The following RABGAP1L variants were observed in gnomAD, a reference collection of about 807,000 sequenced individuals.
RABGAP1L encodes the protein RAB GTPase activating protein 1 like.
In RABGAP1L, 63 loss-of-function variants were observed where a neutral mutation model predicts 137.7. The observed-to-expected ratio is 0.46, with a 90% CI of 0.37 to 0.56. RABGAP1L has a LOEUF of 0.56. RABGAP1L is among the 20% of genes least tolerant of loss of function. The pLI is 0.00. For missense variants in RABGAP1L, 1,095 were observed against 1,244.0 expected (o/e 0.88, Z 1.80); for synonymous variants, 431 against 433.7 (o/e 0.99, Z 0.08).
At chr1:174,461,615 T>G (rs1328726715) in intron 13 of RABGAP1L, among the ~76,000 whole-genome samples, 1 of 152,168 alleles carries the variant, frequency 6.6e-6, no homozygotes, top group Non-Finnish European at 1.5e-5. Context: ...ATTGTCAGAG[T>G]TAACAGTAGT....
At chr1:174,230,589 A>G (rs530589249) in intron 3 of RABGAP1L, among the ~76,000 whole-genome samples, 7 of 152,256 alleles carry the variant, frequency 4.6e-5, no homozygotes, top group African/African-American at 1.4e-4. Context: ...TTAGGGGCTC[A>G]CACGGAAATT....
chr1:174,837,736 C>A (rs185805221), intron 19 of RABGAP1L, among the ~76,000 whole-genome samples: 70 of 152,152 alleles, frequency 4.6e-4, no homozygotes, highest in Non-Finnish European at 7.9e-4. Context: ...ATCTAGTGTA[C>A]CCCTAATCTA....
chr1:174,350,179 C>T (rs1682992193), intron 11 of RABGAP1L, among the ~76,000 whole-genome samples: 3 of 100,658 alleles, frequency 3.0e-5, no homozygotes, highest in South Asian at 3.6e-4. Flanking sequence ...GCTGGCCGGG[C>T]GGGGGGCTGA....
At position 174,250,585 on chromosome 1, in the gene RABGAP1L, C is replaced by T; in HGVS notation, c.828C>T (p.Phe276=). 1 of 1,613,858 alleles carries T rather than the reference C, an allele frequency of 6.2e-7. No homozygotes were observed. Among genetic ancestry groups the T allele is most frequent in the Non-Finnish European group, 8.5e-7 (1 of 1,179,902 alleles). ...IPTPDSDVFT[F]SVSLEVKEDD... is the part of the protein sequence containing the mutation. Reference sequence around the variant, plus strand: ...CCCCCGACAGTGATGTGTTTACCTTCAGTGTCTCCTTGGAGGTAAAAGAAG... The same window carrying T: ...CCCCCGACAGTGATGTGTTTACCTTTAGTGTCTCCTTGGAGGTAAAAGAAG... Residue 276 remains phenylalanine (F), a synonymous_variant, in exon 6 of 26, where the codon TTC becomes TTT. Coordinates refer to ENST00000681986, the MANE Select transcript of RABGAP1L (RefSeq NM_001366446.1).
intron 17 of RABGAP1L, among the ~76,000 whole-genome samples, chr1:174,748,861 C>A (rs548555025): frequency 1.9e-4 from 29 of 150,750 alleles, no homozygotes; most frequent in Non-Finnish European, 3.7e-4. Context: ...GGTGACAGAA[C>A]GAGACTCTGT....
chr1:174,958,035 C>T, intron 20 of RABGAP1L: 1 of 1,527,688 alleles, frequency 6.5e-7, no homozygotes. Flanking sequence ...ACTGTTTTAG[C>T]TGTGCATGTC....
chr1:174,392,611 C>T (rs1237226637), intron 12 of RABGAP1L, among the ~76,000 whole-genome samples: 5 of 152,142 alleles, frequency 3.3e-5, no homozygotes, highest in African/African-American at 4.8e-5. Flanking sequence ...TTTACTTGAA[C>T]TTGTTTCAGT....
chr1:174,752,244 G>T (rs1684400944), intron 17 of RABGAP1L, 69 bp from the exon 18 acceptor site: 4 of 1,106,744 alleles, frequency 3.6e-6, no homozygotes, highest in Middle Eastern at 2.0e-4. Context: ...ATATGTGGAA[G>T]TCTTGGGGAA....
chr1:174,688,792 G>GAATCATATAAACATAAGATTTAGTTTA (rs1200131835), intron 15 of RABGAP1L, among the ~76,000 whole-genome samples: 49 of 152,030 alleles, frequency 3.2e-4, no homozygotes, highest in Non-Finnish European at 1.3e-4. Flanking sequence ...TCATATAAAT[G>GAATCATATAAACATAAGATTTAGTTTA]AATCATATAA....
rs1000794852 is a variant in RABGAP1L at position 174,380,481 on chromosome 1, A to T, written c.1559+9409A>T. ...CAATTTCAGCTCCTGTTATTGGTCT[A>T]TTCAGAGATTCAACTTCTTCCTGGT... On this transcript the variant is annotated intron_variant, in intron 12 of 25. Transcript: ENST00000681986. Among the ~76,000 whole-genome samples the T allele has an allele frequency of 6.6e-5, 10 of 151,546 alleles. No individual in the cohort carries two copies. The East Asian group carries it at 2.0e-3, about 30-fold the overall frequency.
rs1008728585 is a variant in RABGAP1L, at chr1:174,506,980, G to A, written c.1710+112835G>A. 6.6e-5 allele frequency among the ~76,000 whole-genome samples: 10 copies of A among 152,226 alleles called. No homozygotes were observed. In the South Asian group the frequency reaches 1.5e-3, roughly 22 times the overall value. On this transcript the variant is annotated intron_variant, in intron 13 of 25. Coordinates refer to ENST00000681986, the MANE Select transcript of RABGAP1L (RefSeq NM_001366446.1). ...ACAAAAATTAGCTGGATGTGGAGGCGCGTGCCTGTGGTCCCAGCTACTTGG... is the reference window on the plus strand; with the variant it reads ...ACAAAAATTAGCTGGATGTGGAGGCACGTGCCTGTGGTCCCAGCTACTTGG...
chr1:174,590,199 G>A (rs1464338320), intron 13 of RABGAP1L, among the ~76,000 whole-genome samples: 2 of 120,070 alleles, frequency 1.7e-5, no homozygotes, highest in Non-Finnish European at 3.2e-5. Flanking sequence ...TGTCTCAGGT[G>A]TTCCTTTACA....
At chr1:174,530,585 A>G (rs1011725470) in intron 13 of RABGAP1L, among the ~76,000 whole-genome samples, 2 of 152,208 alleles carry the variant, frequency 1.3e-5, no homozygotes, top group Middle Eastern at 3.4e-3. Flanking sequence ...TTTTCCCCAC[A>G]TTGGGGAGTA....
intron 18 of RABGAP1L, among the ~76,000 whole-genome samples, chr1:174,778,130 A>G (rs1413222126): frequency 6.6e-6 from 1 of 152,202 alleles, no homozygotes; most frequent in Non-Finnish European, 1.5e-5. Context: ...AATTGCTCAA[A>G]ACCAGTGATA....
intron 11 of RABGAP1L, among the ~76,000 whole-genome samples, chr1:174,345,145 A>G (rs1330175139): frequency 6.6e-6 from 1 of 152,086 alleles, no homozygotes. Flanking sequence ...ATTGGTCTAC[A>G]TGTCTTTTAT....
intron 19 of RABGAP1L, among the ~76,000 whole-genome samples, chr1:174,911,672 A>T (rs4650666): frequency 0.52 from 78,380 of 152,118 alleles, 23,341 homozygotes; most frequent in African/African-American, 0.83. Context: ...CCCTTGCTGA[A>T]CCTATGATTC....
At chr1:174,334,137 T>C (rs1423337530) in intron 11 of RABGAP1L, among the ~76,000 whole-genome samples, 1 of 152,194 alleles carries the variant, frequency 6.6e-6, no homozygotes, top group South Asian at 2.1e-4. Context: ...CTAAATACTT[T>C]CGCTTCTTTC....
At chr1:174,719,100 A>G (rs932045369) in intron 17 of RABGAP1L, among the ~76,000 whole-genome samples, 11 of 151,948 alleles carry the variant, frequency 7.2e-5, no homozygotes, top group South Asian at 2.1e-4. Flanking sequence ...CAGCTTCCCA[A>G]AGTGCTGGGA....
chr1:174,930,125 A>G lies in RABGAP1L; in HGVS notation c.2341-27332A>G, dbSNP rs376992006. 1.3e-4 allele frequency among the ~76,000 whole-genome samples: 19 copies of G among 151,860 alleles called. 1 individual carries two copies. The East Asian group carries it at 2.1e-3, about 17-fold the overall frequency. On this transcript the variant is annotated intron_variant, in intron 19 of 25. Coordinates refer to ENST00000681986, the MANE Select transcript of RABGAP1L (RefSeq NM_001366446.1). ...TGTGCTCCCAAAGTGTTGGGATTAC[A>G]GGTGTGAACTACCATGGCTGGCTGC...
Sources: gnomAD v4.1 joint callset for allele counts (sites outside exome capture counted in the v4.1 genomes callset) on GRCh38, gnomAD v4.1.1 for gene constraint, MANE v1.5 for transcripts, NCBI Gene and HGNC (gene_info 2026-07-23, HGNC 2026-07-21) for gene names.